The following C12orf42 variants were observed in gnomAD, a reference collection of about 807,000 sequenced individuals.
C12orf42 encodes the protein uncharacterized protein C12orf42.
C12orf42 carries 25 observed loss-of-function variants against 21.6 expected under a neutral mutation model. That is an observed-to-expected ratio of 1.16 (90% confidence interval 0.84 to 1.62). The LOEUF (loss-of-function observed/expected upper bound fraction) is 1.62. Ranked by LOEUF, C12orf42 falls within the 40% of genes most tolerant of loss-of-function variation. The pLI is 0.00. For synonymous variants in C12orf42, 174 were observed against 175.0 expected, an observed-to-expected ratio of 0.99 and a Z score of 0.05; for missense variants, 483 against 459.3, an observed-to-expected ratio of 1.05 and a Z score of -0.47.
intron 2 of C12orf42, among the ~76,000 whole-genome samples, chr12:103,445,531 C>T (rs1158410819): frequency 6.6e-6 from 1 of 151,964 alleles, no homozygotes; most frequent in Non-Finnish European, 1.5e-5. Flanking sequence ...GAACAAGTAT[C>T]TTCACTTGCT....
At chr12:103,206,828 T>G in the C12orf42 span, among the ~76,000 whole-genome samples, 1 of 152,140 alleles carries the variant, frequency 6.6e-6, no homozygotes, top group South Asian at 2.1e-4. Context: ...AATATGATGG[T>G]CTTGGAACGT....
At chr12:103,425,436 G>A (rs978855480) in intron 2 of C12orf42, among the ~76,000 whole-genome samples, 1 of 152,144 alleles carries the variant, frequency 6.6e-6, no homozygotes, top group African/African-American at 2.4e-5. Flanking sequence ...ATACAGGAGA[G>A]CTCCAGCTGG....
intron 10 of C12orf42, among the ~76,000 whole-genome samples, chr12:103,242,997 T>G (rs1344243583): frequency 6.6e-6 from 1 of 151,830 alleles, no homozygotes. Context: ...TTTACTTTAA[T>G]ATAATCATAA....
At chr12:103,353,307 G>A (rs371133609) in intron 4 of C12orf42, among the ~76,000 whole-genome samples, 1 of 151,642 alleles carries the variant, frequency 6.6e-6, no homozygotes, top group South Asian at 2.1e-4. Flanking sequence ...AAAAGAGGGG[G>A]TGGGGGGCAA....
At chr12:103,195,586 T>G in the C12orf42 span, among the ~76,000 whole-genome samples, 1 of 152,182 alleles carries the variant, frequency 6.6e-6, no homozygotes, top group African/African-American at 2.4e-5. Context: ...GCTAGATGTA[T>G]ATTTTCTTTT....
At position 103,302,295 on chromosome 12, in the gene C12orf42, G is replaced by A; in HGVS notation, c.896C>T (p.Ala299Val). The A allele has an allele frequency of 3.1e-6, 5 of 1,613,496 alleles. No homozygotes were observed. The highest frequency in any genetic ancestry group is 4.2e-6 in the Non-Finnish European group (5 of 1,179,612). Residue 299 changes from alanine to valine, a missense_variant, in exon 6 of 6, where the codon GCG becomes GTG. Coordinates refer to ENST00000548883, the MANE Select transcript of C12orf42 (RefSeq NM_198521.5). ...CAGATTGCCATGGAGGGAGGTGTCC[G>A]CCTGAGGCCTCCTGTCCCGCGGGGT... ...PHTPRDRRPQ[A>V]DTSLHGNLAG...
chr12:103,083,727 C>CAGAG, the C12orf42 span, among the ~76,000 whole-genome samples: 1 of 152,130 alleles, frequency 6.6e-6, no homozygotes, highest in African/African-American at 2.4e-5. Flanking sequence ...AACATGTGAA[C>CAGAG]AGAGTCTTTT....
the C12orf42 span, among the ~76,000 whole-genome samples, chr12:103,152,739 T>A: frequency 2.0e-5 from 3 of 151,966 alleles, no homozygotes; most frequent in East Asian, 5.8e-4. Flanking sequence ...AAGTAGAAAA[T>A]AAAATTTTAA....
At chr12:103,412,395 G>A (rs576435339) in intron 2 of C12orf42, among the ~76,000 whole-genome samples, 5 of 152,306 alleles carry the variant, frequency 3.3e-5, no homozygotes, top group South Asian at 4.1e-4. Context: ...ACAGCTGGGC[G>A]CAGTAGCTCA....
At chr12:103,149,750 G>A in the C12orf42 span, among the ~76,000 whole-genome samples, 12 of 152,048 alleles carry the variant, frequency 7.9e-5, no homozygotes, top group Non-Finnish European at 1.3e-4. Flanking sequence ...TGATGCCTCC[G>A]CAGCCAAGTG....
chr12:103,204,593 C>T, the C12orf42 span, among the ~76,000 whole-genome samples: 3 of 152,122 alleles, frequency 2.0e-5, no homozygotes, highest in Non-Finnish European at 2.9e-5. Context: ...CAAAGCAAAT[C>T]ATTTCTCTTT....
chr12:103,281,906 GA>G (rs1007989288), intron 4 of C12orf42, among the ~76,000 whole-genome samples: 4 of 102,264 alleles, frequency 3.9e-5, no homozygotes, highest in African/African-American at 1.5e-4. Flanking sequence ...AGAAAGAAAA[GA>G]AGAAAGAAAA....
At chr12:103,096,673 T>C in the C12orf42 span, among the ~76,000 whole-genome samples, 1 of 152,236 alleles carries the variant, frequency 6.6e-6, no homozygotes, top group Non-Finnish European at 1.5e-5. Context: ...AATCAATAAA[T>C]ACTTCTTAGA....
intron 10 of C12orf42, among the ~76,000 whole-genome samples, chr12:103,261,532 G>A (rs1427209741): frequency 6.6e-6 from 1 of 150,684 alleles, no homozygotes; most frequent in African/African-American, 2.4e-5. Context: ...CTTCAGGGCA[G>A]GAACTATTTT....
At chr12:103,352,265 G>A (rs1312926049) in intron 4 of C12orf42, among the ~76,000 whole-genome samples, 1 of 152,112 alleles carries the variant, frequency 6.6e-6, no homozygotes, top group Admixed American at 6.6e-5. Flanking sequence ...GGCCAAGTAG[G>A]CTAAGAGAAA....
intron 4 of C12orf42, among the ~76,000 whole-genome samples, chr12:103,359,360 C>T (rs1424958779): frequency 6.6e-6 from 1 of 151,948 alleles, no homozygotes; most frequent in Non-Finnish European, 1.5e-5. Flanking sequence ...AGCTATAGAA[C>T]ATTTCATCAC....
At chr12:103,061,275 G>A in the C12orf42 span, among the ~76,000 whole-genome samples, 14 of 152,280 alleles carry the variant, frequency 9.2e-5, no homozygotes, top group East Asian at 1.9e-4. Context: ...GGTCTTCTTC[G>A]ACATTTCCCA....
chr12:103,170,068 C>T, the C12orf42 span, among the ~76,000 whole-genome samples: 11 of 152,172 alleles, frequency 7.2e-5, no homozygotes, highest in Non-Finnish European at 1.2e-4. Context: ...CAGTGTAGTA[C>T]TCCAGGCTTG....
intron 5 of C12orf42, among the ~76,000 whole-genome samples, chr12:103,271,555 A>T (rs1467499757): frequency 6.6e-6 from 1 of 152,138 alleles, no homozygotes; most frequent in Non-Finnish European, 1.5e-5. Flanking sequence ...TAAAATGGGG[A>T]CAGTAATGCC....
Sources: gnomAD v4.1 joint callset for allele counts (sites outside exome capture counted in the v4.1 genomes callset) on GRCh38, gnomAD v4.1.1 for gene constraint, MANE v1.5 for transcripts, NCBI Gene and HGNC (gene_info 2026-07-23, HGNC 2026-07-21) for gene names.